The following CHLSN variants were observed in gnomAD, a reference collection of about 807,000 sequenced individuals.
The protein encoded by CHLSN is cholesin.
the CHLSN span, chr7:984,964 T>C: frequency 6.2e-7 from 1 of 1,604,066 alleles, no homozygotes. Flanking sequence ...CTTCTTCTCA[T>C]CTGGGGCGCG....
At chr7:986,482 G>GT in the CHLSN span, 3 of 937,670 alleles carry the variant, frequency 3.2e-6, no homozygotes, top group African/African-American at 5.0e-5. Context: ...AGGGCTAAGG[G>GT]TCCCCCCGTT....
At chr7:1,003,523 C>A in the CHLSN span, among the ~76,000 whole-genome samples, 1 of 38,768 alleles carries the variant, frequency 2.6e-5, no homozygotes, top group Non-Finnish European at 4.4e-5. Context: ...GTGGGGAGTC[C>A]TTGGGTGAGT....
the CHLSN span, among the ~76,000 whole-genome samples, chr7:995,649 A>G: frequency 6.6e-6 from 1 of 152,264 alleles, no homozygotes; most frequent in Non-Finnish European, 1.5e-5. Context: ...CCTTCCCAGC[A>G]GCTTCTCTGC....
At chr7:1,036,584 G>A in the CHLSN span, among the ~76,000 whole-genome samples, 1 of 152,144 alleles carries the variant, frequency 6.6e-6, no homozygotes, top group African/African-American at 2.4e-5. Context: ...AATGGGGGAG[G>A]CCGTGCATGT....
the CHLSN span, among the ~76,000 whole-genome samples, chr7:1,028,103 C>A: frequency 3.4e-5 from 5 of 149,192 alleles, no homozygotes; most frequent in African/African-American, 1.0e-4. Context: ...TCGGCCGGCC[C>A]GGGGTCTGCA....
At chr7:1,120,618 G>C in the CHLSN span, among the ~76,000 whole-genome samples, 4 of 152,148 alleles carry the variant, frequency 2.6e-5, no homozygotes, top group African/African-American at 9.7e-5. Flanking sequence ...AATTAACCAC[G>C]CACTTACTAT....
the CHLSN span, among the ~76,000 whole-genome samples, chr7:1,124,093 A>G: frequency 0.024 from 3,673 of 152,354 alleles, 50 homozygotes; most frequent in Non-Finnish European, 0.029. Flanking sequence ...AGCTGGAGGA[A>G]ACAAAGGCTT....
the CHLSN span, chr7:986,433 C>T: frequency 1.9e-5 from 12 of 645,382 alleles, no homozygotes; most frequent in East Asian, 1.2e-4. Flanking sequence ...TTCCGGGACA[C>T]GGACAGGGGG....
the CHLSN span, chr7:1,086,835 T>A: frequency 1.3e-5 from 2 of 152,422 alleles, no homozygotes; most frequent in African/African-American, 4.8e-5. Flanking sequence ...GGACAAAGGA[T>A]CACTCAGCAT....
At chr7:1,000,860 A>C in the CHLSN span, among the ~76,000 whole-genome samples, 1 of 152,126 alleles carries the variant, frequency 6.6e-6, no homozygotes, top group Non-Finnish European at 1.5e-5. Flanking sequence ...CGGATTTTAC[A>C]GGGGGGGAAG....
At chr7:1,114,456 A>G in the CHLSN span, among the ~76,000 whole-genome samples, 1 of 152,346 alleles carries the variant, frequency 6.6e-6, no homozygotes, top group South Asian at 2.1e-4. Flanking sequence ...CTCGATGTTT[A>G]GACTCGGAGA....
chr7:1,017,634 C>T, the CHLSN span, among the ~76,000 whole-genome samples: 9 of 151,942 alleles, frequency 5.9e-5, no homozygotes, highest in South Asian at 1.2e-3. Flanking sequence ...AAACAAGACA[C>T]GGACTCAATG....
At chr7:1,070,769 G>C in the CHLSN span, among the ~76,000 whole-genome samples, 3 of 142,932 alleles carry the variant, frequency 2.1e-5, no homozygotes, top group Middle Eastern at 4.2e-3. Context: ...ACATACACAT[G>C]CACACGCACG....
At chr7:1,087,351 CG>C in the CHLSN span, 1 of 152,160 alleles carries the variant, frequency 6.6e-6, no homozygotes, top group South Asian at 2.1e-4. Flanking sequence ...TGCTTGGGAC[CG>C]GAAGAGTTTC....
the CHLSN span, among the ~76,000 whole-genome samples, chr7:1,004,559 C>G: frequency 6.6e-6 from 1 of 152,204 alleles, no homozygotes; most frequent in Non-Finnish European, 1.5e-5. Flanking sequence ...TCAAGCCAAG[C>G]CCATCTCCCT....
chr7:1,017,000 G>A, the CHLSN span, among the ~76,000 whole-genome samples: 5 of 125,376 alleles, frequency 4.0e-5, 1 homozygote, highest in East Asian at 5.3e-4. Context: ...CAGCGCACAG[G>A]AGCACACAGC....
chr7:1,086,529 G>A, the CHLSN span, among the ~76,000 whole-genome samples: 1 of 152,230 alleles, frequency 6.6e-6, no homozygotes, highest in African/African-American at 2.4e-5. Context: ...TAGGAAATGT[G>A]TGTATATTTC....
chr7:1,041,119 G>T, the CHLSN span, among the ~76,000 whole-genome samples: 1 of 147,086 alleles, frequency 6.8e-6, no homozygotes, highest in Non-Finnish European at 1.5e-5. Context: ...TTAGGAAGAG[G>T]GAATGGAGAG....
the CHLSN span, chr7:987,115 C>A: frequency 2.6e-6 from 4 of 1,555,228 alleles, no homozygotes; most frequent in South Asian, 2.4e-5. Context: ...AGGGGGATGA[C>A]CCCGAGGGCC....
Sources: gnomAD v4.1 joint callset for allele counts (sites outside exome capture counted in the v4.1 genomes callset) on GRCh38, gnomAD v4.1.1 for gene constraint, MANE v1.5 for transcripts, NCBI Gene and HGNC (gene_info 2026-07-23, HGNC 2026-07-21) for gene names.